The following POU4F2 variants were observed in gnomAD, a reference collection of about 807,000 sequenced individuals.
POU4F2 encodes POU class 4 homeobox 2, also known as POU domain, class 4, transcription factor 2.
A neutral mutation model predicts 21.5 loss-of-function variants in POU4F2; 10 were observed. The observed-to-expected ratio is 0.46, with a 90% CI of 0.29 to 0.79. The LOEUF (loss-of-function observed/expected upper bound fraction) is 0.79. Ranked by LOEUF, POU4F2 falls within the 30% of genes least tolerant of loss-of-function variation. POU4F2 has a pLI of 0.10. For missense variants in POU4F2, 623 were observed against 603.3 expected (o/e 1.03, Z -0.34); for synonymous variants, 324 against 271.1 (o/e 1.20, Z -1.92).
In POU4F2 at chr4:146,640,532, C is replaced by T. The variant is rs1157534825; in HGVS notation, c.954C>T (p.Ile318=). Reference sequence around the variant, plus strand: ...ATAATATGATCGCGCTCAAACCCATCCTGCAGGCATGGCTCGAGGAGGCCG... The same window carrying T: ...ATAATATGATCGCGCTCAAACCCATTCTGCAGGCATGGCTCGAGGAGGCCG... ...SHNNMIALKP[I]LQAWLEEAEK... is the part of the protein sequence containing the mutation. Residue 318 remains isoleucine, a synonymous_variant, in exon 2 of 2, where the codon ATC becomes ATT. Transcript: ENST00000281321. The surrounding 1 kb of genome is among the most constrained non-coding windows in gnomAD (Gnocchi z 4.8). 1.9e-6 allele frequency: 3 copies of T among 1,614,120 alleles called. No individual in the cohort carries two copies. Among genetic ancestry groups the T allele is most frequent in the Non-Finnish European group, 1.7e-6 (2 of 1,179,962 alleles).
chr4:146,641,079 G>A lies in POU4F2; in HGVS notation c.*271G>A, dbSNP rs1740878871. The A allele has an allele frequency of 8.7e-6, 3 of 346,448 alleles. No homozygotes were observed. The South Asian group carries it at 2.5e-4, about 29-fold the overall frequency. 21.5% of individuals were successfully genotyped at this position (346,448 alleles called of 1,614,324 possible). ...GAACCCCACCTCGGCTTCTTCAGAG[G>A]AAGTGTGGAGATGGCTGTTTGCAGG... On this transcript the variant is annotated 3_prime_UTR_variant, in exon 2 of 2. Transcript: ENST00000281321.
Position 146,639,211 on chromosome 4 carries a change from C to T in POU4F2, c.71C>T (p.Pro24Leu), listed in dbSNP as rs199899657. Reference protein sequence around the residue: ...MPHGGSLHVEPKYSALHSTSP... With the variant: ...MPHGGSLHVELKYSALHSTSP... ...CACGGCGGCAGCCTGCACGTGGAGC[C>T]CAAGTACTCGGCACTGCACAGCACC... Residue 24 changes from proline to leucine, a missense_variant, in exon 1 of 2, where the codon CCC (proline) becomes CTC (leucine). Transcript: ENST00000281321. 3.1e-6 allele frequency: 5 copies of T among 1,607,236 alleles called. No homozygotes were observed. The Admixed American group carries it at 8.4e-5, about 27-fold the overall frequency.
intron 1 of POU4F2, 141 bp from the exon 2 acceptor site, chr4:146,639,726 A>C (rs1384613393): frequency 1.2e-5 from 12 of 972,416 alleles, no homozygotes; most frequent in Non-Finnish European, 7.2e-6. Flanking sequence ...CTCTGTTTTC[A>C]GGATTATTAT....
rs1256900019 is a variant in POU4F2, at chr4:146,639,119, C to G, written c.-22C>G. 2.5e-6 allele frequency: 4 copies of G among 1,599,782 alleles called. No homozygotes were observed. Among genetic ancestry groups the G allele is most frequent in the Non-Finnish European group, 3.4e-6 (4 of 1,174,452 alleles). The stretch of plus-strand genomic sequence containing the variant: ...GGGACCAGTGAGTGCCTCTACGGAC[C>G]AGCGCCCCGGCGGGCGGGAAGATGA... On this transcript the variant is annotated 5_prime_UTR_variant, in exon 1 of 2. Transcript: ENST00000281321.
rs1278396236 is a variant in POU4F2 at position 146,639,900 on chromosome 4, C to A, written c.322C>A (p.Leu108Met). The A allele has an allele frequency of 1.3e-6, 2 of 1,569,042 alleles. No individual in the cohort carries two copies. The highest frequency in any genetic ancestry group is 1.7e-6 in the Non-Finnish European group (2 of 1,155,846). The change falls in exon 2 of 2, where the codon CTG (leucine) becomes ATG (methionine). Residue 108 changes from leucine (L) to methionine (M), a missense_variant. Physicochemically the swap from Leu to Met is conservative, Grantham distance 15. Coordinates refer to ENST00000281321, the MANE Select transcript of POU4F2 (RefSeq NM_004575.3). ...NIFGGLDESL[L>M]ARAEALAAVD... The stretch of plus-strand genomic sequence containing the variant: ...ATTCGGCGGGCTGGATGAGAGTCTG[C>A]TGGCCCGCGCCGAGGCTCTGGCAGC...
rs376822201 is a variant in POU4F2 at position 146,640,208 on chromosome 4, C to A, written c.630C>A (p.Gly210=). 6 of 1,568,396 alleles carry A rather than the reference C, an allele frequency of 3.8e-6. No homozygotes were observed. Among genetic ancestry groups the A allele is most frequent in the Middle Eastern group, 1.7e-4 (1 of 6,030 alleles). ...TGGGCGCTATGGCGGGCCCCGACGGCGCTGTGGTGTCCACGCCGGCTCACG... is the reference window on the plus strand; with the variant it reads ...TGGGCGCTATGGCGGGCCCCGACGGAGCTGTGGTGTCCACGCCGGCTCACG... ...LALGAMAGPD[G]AVVSTPAHAP... is the part of the protein sequence containing the mutation. The change falls in exon 2 of 2, where the codon GGC becomes GGA. Residue 210 remains glycine (G), a synonymous_variant. Coordinates refer to ENST00000281321, the MANE Select transcript of POU4F2 (RefSeq NM_004575.3). The surrounding 1 kb of genome is among the most constrained non-coding windows in gnomAD (Gnocchi z 4.8).
rs1354393156 is a variant in POU4F2 at position 146,641,441 on chromosome 4, T to C, written c.*633T>C. 1 of 152,668 alleles carries C rather than the reference T, an allele frequency of 6.6e-6. No homozygotes were observed. Among genetic ancestry groups the C allele is most frequent in the Non-Finnish European group, 1.5e-5 (1 of 68,036 alleles). 9.5% of individuals were successfully genotyped at this position (152,668 alleles called of 1,614,324 possible). A position where few individuals can be genotyped will look rare whatever the true frequency, so the allele number is the denominator to read the frequency against. On this transcript the variant is annotated 3_prime_UTR_variant, in exon 2 of 2. Transcript: ENST00000281321. ...GTTGCGCCTGCTGTGTTCACTGATC[T>C]TGAAAGCTATTATTAGATTATTGCA...
chr4:146,639,236 C>A lies in POU4F2; in HGVS notation c.96C>A (p.Thr32=), dbSNP rs140261687. 4 of 1,592,130 alleles carry A rather than the reference C, an allele frequency of 2.5e-6. No homozygotes were observed. The highest frequency in any genetic ancestry group is 1.7e-5 in the Admixed American group (1 of 57,464). ...VEPKYSALHS[T]SPGSSAPIAP... Reference sequence around the variant, plus strand: ...CCAAGTACTCGGCACTGCACAGCACCTCGCCGGGCTCCTCGGCTCCCATCG... The same window carrying A: ...CCAAGTACTCGGCACTGCACAGCACATCGCCGGGCTCCTCGGCTCCCATCG... The change falls in exon 1 of 2, where the codon ACC becomes ACA. Residue 32 remains threonine (T), a synonymous_variant. Coordinates refer to ENST00000281321, the MANE Select transcript of POU4F2 (RefSeq NM_004575.3).
At position 146,639,124 on chromosome 4, in the gene POU4F2, C is replaced by A; in HGVS notation, c.-17C>A. The A allele has an allele frequency of 6.2e-7, 1 of 1,600,178 alleles. No homozygotes were observed. The highest frequency in any genetic ancestry group is 8.5e-7 in the Non-Finnish European group (1 of 1,174,522). On this transcript the variant is annotated 5_prime_UTR_variant, in exon 1 of 2. Coordinates refer to ENST00000281321, the MANE Select transcript of POU4F2 (RefSeq NM_004575.3). ...CAGTGAGTGCCTCTACGGACCAGCG[C>A]CCCGGCGGGCGGGAAGATGATGATG...
rs1740815920 is a variant in POU4F2, at chr4:146,639,187, A to C, written c.47A>C (p.His16Pro). Residue 16 changes from histidine to proline, a missense_variant, in exon 1 of 2, where the codon CAC (histidine) becomes CCC (proline). By Grantham distance (77) the His-to-Pro change is moderately conservative. Around this residue, in one of 3 missense-constraint regions of POU4F2, gnomAD observed 94 missense variants for 74.1 expected, o/e 1.27. Transcript: ENST00000281321. ...LNSKQAFSMP[H>P]GGSLHVEPKY... ...AGCAAGCAGGCGTTTAGCATGCCGCACGGCGGCAGCCTGCACGTGGAGCCC... is the reference window on the plus strand; with the variant it reads ...AGCAAGCAGGCGTTTAGCATGCCGCCCGGCGGCAGCCTGCACGTGGAGCCC... 5.0e-6 allele frequency: 8 copies of C among 1,607,208 alleles called. No homozygotes were observed. The highest frequency in any genetic ancestry group is 6.8e-6 in the Non-Finnish European group (8 of 1,177,540).
Position 146,641,638 on chromosome 4 carries a change from T to C in POU4F2, c.*830T>C, listed in dbSNP as rs1182509663. 1 of 152,678 alleles carries C rather than the reference T, an allele frequency of 6.5e-6. No individual in the cohort carries two copies. The highest frequency in any genetic ancestry group is 1.9e-4 in the East Asian group (1 of 5,206). 9.5% of individuals were successfully genotyped at this position (152,678 alleles called of 1,614,324 possible). ...AATTTTTACAGCTTTCCTCCTATAC[T>C]GTGTTCCTTTTGACCCATTTGTATA... On this transcript the variant is annotated 3_prime_UTR_variant, in exon 2 of 2. Coordinates refer to ENST00000281321, the MANE Select transcript of POU4F2 (RefSeq NM_004575.3).
In POU4F2 at chr4:146,640,531, T is replaced by C; in HGVS notation, c.953T>C (p.Ile318Thr). 1 of 1,613,980 alleles carries C rather than the reference T, an allele frequency of 6.2e-7. No homozygotes were observed. The highest frequency in any genetic ancestry group is 8.5e-7 in the Non-Finnish European group (1 of 1,179,944). Residue 318 changes from isoleucine (I) to threonine (T), a missense_variant, in exon 2 of 2, where the codon ATC becomes ACC. Coordinates refer to ENST00000281321, the MANE Select transcript of POU4F2 (RefSeq NM_004575.3). This position sits in a 1 kb window ranked among gnomAD's most constrained non-coding sequence, Gnocchi z 4.8. Reference sequence around the variant, plus strand: ...AATAATATGATCGCGCTCAAACCCATCCTGCAGGCATGGCTCGAGGAGGCC... The same window carrying C: ...AATAATATGATCGCGCTCAAACCCACCCTGCAGGCATGGCTCGAGGAGGCC... The part of the protein sequence containing the change: ...SHNNMIALKP[I>T]LQAWLEEAEK...
In POU4F2 at chr4:146,640,421, C is replaced by A. The variant is rs770276185; in HGVS notation, c.843C>A (p.Ser281=). 1 of 1,612,146 alleles carries A rather than the reference C, an allele frequency of 6.2e-7. No individual in the cohort carries two copies. The highest frequency in any genetic ancestry group is 8.5e-7 in the Non-Finnish European group (1 of 1,179,734). ...KLGVTQADVG[S]ALANLKIPGV... ...GGGTGACCCAGGCAGATGTGGGCTCCGCGCTGGCCAACCTCAAGATCCCCG... is the reference window on the plus strand; with the variant it reads ...GGGTGACCCAGGCAGATGTGGGCTCAGCGCTGGCCAACCTCAAGATCCCCG... Residue 281 remains serine, a synonymous_variant, in exon 2 of 2, where the codon TCC becomes TCA. Coordinates refer to ENST00000281321, the MANE Select transcript of POU4F2 (RefSeq NM_004575.3). This position sits in a 1 kb window ranked among gnomAD's most constrained non-coding sequence, Gnocchi z 4.8.
In POU4F2 at chr4:146,640,259, C is replaced by A; in HGVS notation, c.681C>A (p.Pro227=). ...CGCCGCACATGGCCACCATGAACCC[C>A]ATGCACCAAGCAGCGCTCAGCATGG... is the stretch of plus-strand genomic sequence containing the variant. The part of the protein sequence containing the change: ...AHAPHMATMN[P]MHQAALSMAH... The change falls in exon 2 of 2, where the codon CCC becomes CCA. Residue 227 remains proline (P), a synonymous_variant. Transcript: ENST00000281321. This position sits in a 1 kb window ranked among gnomAD's most constrained non-coding sequence, Gnocchi z 4.8. 6.3e-7 allele frequency: 1 copy of A among 1,578,680 alleles called. No individual in the cohort carries two copies. The highest frequency in any genetic ancestry group is 1.2e-5 in the South Asian group (1 of 85,748).
At chr4:146,639,546 C>T in intron 1 of POU4F2, 118 bp downstream of exon 1, 1 of 1,268,664 alleles carries the variant, frequency 7.9e-7, no homozygotes, top group East Asian at 2.8e-5. Context: ...CAATTTTCCC[C>T]TCTCTCTCTC....
In POU4F2 at chr4:146,640,890, G is replaced by A. The variant is rs1740875553; in HGVS notation, c.*82G>A. The stretch of plus-strand genomic sequence containing the variant: ...TCTTCTGCCTCTTTTCACTTTTGGC[G>A]ACTAGAAACAATTCCAGTAAATGTG... On this transcript the variant is annotated 3_prime_UTR_variant, in exon 2 of 2. Coordinates refer to ENST00000281321, the MANE Select transcript of POU4F2 (RefSeq NM_004575.3). The surrounding 1 kb of genome is among the most constrained non-coding windows in gnomAD (Gnocchi z 4.8). 1.4e-6 allele frequency: 2 copies of A among 1,386,558 alleles called. No homozygotes were observed. Among genetic ancestry groups the A allele is most frequent in the Non-Finnish European group, 1.9e-6 (2 of 1,036,552 alleles). The allele number at this position is 1,386,558 out of a possible 1,614,324, so 85.9% of individuals were successfully genotyped here. A position where few individuals can be genotyped will look rare whatever the true frequency, so the allele number is the denominator to read the frequency against.
In POU4F2 at chr4:146,639,059, G is replaced by T; in HGVS notation, c.-82G>T. ...ACAGCCCTTCCCAGCTCCAGCCCCGGCTGGCCCGGCACTTCTCGGAGGGTC... is the reference window on the plus strand; with the variant it reads ...ACAGCCCTTCCCAGCTCCAGCCCCGTCTGGCCCGGCACTTCTCGGAGGGTC... On this transcript the variant is annotated 5_prime_UTR_variant, in exon 1 of 2. Transcript: ENST00000281321. The T allele has an allele frequency of 4.6e-6, 7 of 1,525,240 alleles. No individual in the cohort carries two copies. The highest frequency in any genetic ancestry group is 6.1e-6 in the Non-Finnish European group (7 of 1,142,900). 94.5% of individuals were successfully genotyped at this position (1,525,240 alleles called of 1,614,324 possible).
Position 146,640,946 on chromosome 4 carries a change from G to C in POU4F2, c.*138G>C, listed in dbSNP as rs576828718. 27 of 878,494 alleles carry C rather than the reference G, an allele frequency of 3.1e-5. No individual in the cohort carries two copies. The highest frequency in any genetic ancestry group is 4.5e-5 in the Non-Finnish European group (27 of 605,036). 54.4% of individuals were successfully genotyped at this position (878,494 alleles called of 1,614,324 possible). ...CGACAAATCGAGGACTGAAGAGGGA[G>C]CGAACGAGCGAACAACTGAGCCCAA... On this transcript the variant is annotated 3_prime_UTR_variant, in exon 2 of 2. Coordinates refer to ENST00000281321, the MANE Select transcript of POU4F2 (RefSeq NM_004575.3). This position sits in a 1 kb window ranked among gnomAD's most constrained non-coding sequence, Gnocchi z 4.8.
In POU4F2 at chr4:146,640,092, C is replaced by T. The variant is rs1740846780; in HGVS notation, c.514C>T (p.His172Tyr). 6.2e-7 allele frequency: 1 copy of T among 1,603,006 alleles called. No individual in the cohort carries two copies. Among genetic ancestry groups the T allele is most frequent in the Non-Finnish European group, 8.5e-7 (1 of 1,179,636 alleles). ...SHPSALAGTH[H>Y]HHHHHHHHHH... ...CCCTTCCGCGTTGGCGGGCACGCACCACCACCACCACCATCACCACCACCA... is the reference window on the plus strand; with the variant it reads ...CCCTTCCGCGTTGGCGGGCACGCACTACCACCACCACCATCACCACCACCA... The change falls in exon 2 of 2, where the codon CAC becomes TAC. Residue 172 changes from histidine to tyrosine, a missense_variant. Physicochemically the swap from His to Tyr is moderately conservative, Grantham distance 83. This residue lies in a region of POU4F2 where 523 missense variants were observed against 504.1 expected (regional missense o/e 1.04). Coordinates refer to ENST00000281321, the MANE Select transcript of POU4F2 (RefSeq NM_004575.3). This position sits in a 1 kb window ranked among gnomAD's most constrained non-coding sequence, Gnocchi z 4.8.
Sources: allele counts gnomAD v4.1 joint callset, GRCh38; gene constraint gnomAD v4.1.1; regional missense constraint gnomAD v4.1.1; non-coding constraint Gnocchi (gnomAD v3.1); transcripts MANE v1.5; gene names NCBI Gene and HGNC (gene_info 2026-07-23, HGNC 2026-07-21).